APAF1: variants seen among roughly 807,000 people sequenced by gnomAD.
APAF1 encodes the protein apoptotic peptidase activating factor 1.
In APAF1, 91 loss-of-function variants were observed where a neutral mutation model predicts 152.4. That is an observed-to-expected ratio of 0.60 (90% CI 0.50 to 0.71). APAF1 has a LOEUF of 0.71. Ranked by LOEUF, APAF1 falls within the 30% of genes least tolerant of loss-of-function variation. The pLI is 0.00. For missense variants in APAF1, 1,283 were observed against 1,472.0 expected (o/e 0.87, Z 2.10); for synonymous variants, 484 against 494.1 (o/e 0.98, Z 0.27).
intron 20 of APAF1, among the ~76,000 whole-genome samples, chr12:98,710,414 A>C (rs1593098389): frequency 6.6e-6 from 1 of 152,068 alleles, no homozygotes; most frequent in Non-Finnish European, 1.5e-5. Flanking sequence ...GATAGGGAGC[A>C]TGAATGTGTG....
chr12:98,727,050 G>T (rs2097751592), intron 25 of APAF1, 123 bp from the exon 26 acceptor site: 1 of 857,950 alleles, frequency 1.2e-6, no homozygotes, highest in Non-Finnish European at 1.9e-6. Context: ...CTGTGTTAGG[G>T]TTGTTTATAA....
chr12:98,662,649 C>CTT (rs1254309158), intron 6 of APAF1, 26 bp from the exon 7 acceptor site: 1 of 1,612,136 alleles, frequency 6.2e-7, no homozygotes, highest in East Asian at 2.2e-5. Flanking sequence ...AAATTACTTA[C>CTT]TTTGTCTTGT....
chr12:98,697,016 C>T (rs2097710703), intron 16 of APAF1, among the ~76,000 whole-genome samples: 1 of 152,206 alleles, frequency 6.6e-6, no homozygotes, highest in Non-Finnish European at 1.5e-5. Flanking sequence ...GATAAGGACT[C>T]TGTTGGGGAA....
chr12:98,668,410 A>G (rs962582766), intron 10 of APAF1, among the ~76,000 whole-genome samples: 1 of 152,220 alleles, frequency 6.6e-6, no homozygotes, highest in African/African-American at 2.4e-5. Flanking sequence ...ATAAATATTT[A>G]TTGAGTGCTT....
chr12:98,681,501 CTT>C (rs2097692197), intron 14 of APAF1, among the ~76,000 whole-genome samples: 1 of 152,166 alleles, frequency 6.6e-6, no homozygotes, highest in Admixed American at 6.5e-5. Flanking sequence ...ACAGACCTTA[CTT>C]TAACCCTTTT....
intron 22 of APAF1, among the ~76,000 whole-genome samples, chr12:98,721,821 T>A (rs2097743341): frequency 6.6e-6 from 1 of 152,134 alleles, no homozygotes; most frequent in South Asian, 2.1e-4. Flanking sequence ...AAAAGGGGAA[T>A]AAGAGATGTC....
chr12:98,703,344 C>T (rs559628432), intron 17 of APAF1, 27 bp from the exon 18 acceptor site: 2 of 1,612,862 alleles, frequency 1.2e-6, no homozygotes, highest in Non-Finnish European at 1.7e-6. Context: ...ATTTTACCTT[C>T]ATAGGTATCT....
At chr12:98,719,522 T>A (rs2097739337) in intron 22 of APAF1, among the ~76,000 whole-genome samples, 1 of 151,678 alleles carries the variant, frequency 6.6e-6, no homozygotes, top group Non-Finnish European at 1.5e-5. Context: ...GCTAATTTTT[T>A]TTTTTTTTTT....
chr12:98,652,884 CAAAGTGCTGGTATT>C (rs2097650730), intron 4 of APAF1, among the ~76,000 whole-genome samples: 1 of 152,206 alleles, frequency 6.6e-6, no homozygotes, highest in South Asian at 2.1e-4. Flanking sequence ...CCTCGCCTCC[CAAAGTGCTGGTATT>C]ACAGGCGTGA....
intron 15 of APAF1, among the ~76,000 whole-genome samples, chr12:98,683,941 A>G (rs2097695139): frequency 6.6e-6 from 1 of 152,192 alleles, no homozygotes; most frequent in South Asian, 2.1e-4. Flanking sequence ...GTAATGTTTG[A>G]TTGTATCTTT....
chr12:98,705,550 A>G (rs2097720483), intron 18 of APAF1, among the ~76,000 whole-genome samples: 1 of 152,258 alleles, frequency 6.6e-6, no homozygotes, highest in African/African-American at 2.4e-5. Flanking sequence ...TGTCCATGCT[A>G]GTTCTGAAAT....
intron 18 of APAF1, among the ~76,000 whole-genome samples, chr12:98,705,449 T>C (rs536279872): frequency 7.2e-5 from 11 of 152,318 alleles, no homozygotes; most frequent in African/African-American, 2.2e-4. Context: ...CTCTTAGAGA[T>C]AAGGCGGAGA....
At chr12:98,655,389 C>G in intron 4 of APAF1, among the ~76,000 whole-genome samples, 2 of 151,312 alleles carry the variant, frequency 1.3e-5, no homozygotes, top group Non-Finnish European at 1.5e-5. Context: ...GGGCTCCTCA[C>G]TTCCCAGTAG....
chr12:98,648,602 A>G (rs769841126), intron 2 of APAF1, 24 bp from the exon 3 acceptor site: 2 of 1,612,146 alleles, frequency 1.2e-6, no homozygotes, highest in African/African-American at 1.3e-5. Flanking sequence ...ATTGTTGTAT[A>G]CTAAACTACT....
At chr12:98,669,303 T>A (rs895024622) in intron 10 of APAF1, among the ~76,000 whole-genome samples, 1 of 152,236 alleles carries the variant, frequency 6.6e-6, no homozygotes, top group Non-Finnish European at 1.5e-5. Context: ...GCTTTTGACA[T>A]GTATGATAGT....
intron 24 of APAF1, 105 bp from the exon 25 acceptor site, chr12:98,725,310 A>C (rs1312096577): frequency 2.1e-6 from 3 of 1,430,570 alleles, no homozygotes; most frequent in Non-Finnish European, 2.9e-6. Flanking sequence ...GAATTGCCAG[A>C]TATTAGAATG....
intron 12 of APAF1, among the ~76,000 whole-genome samples, chr12:98,672,187 CAG>C (rs1390596317): frequency 6.7e-6 from 1 of 148,830 alleles, no homozygotes; most frequent in Non-Finnish European, 1.5e-5. Context: ...ATTTTTGAGA[CAG>C]AGTCTCACTA....
intron 5 of APAF1, among the ~76,000 whole-genome samples, chr12:98,661,694 C>T (rs1043108126): frequency 3.8e-4 from 58 of 151,916 alleles, no homozygotes; most frequent in African/African-American, 1.4e-3. Flanking sequence ...GTCTCAAACT[C>T]CCGACCTCAG....
At chr12:98,683,570 C>G (rs939669879) in intron 15 of APAF1, among the ~76,000 whole-genome samples, 10 of 152,204 alleles carry the variant, frequency 6.6e-5, no homozygotes, top group Non-Finnish European at 1.5e-4. Flanking sequence ...TGTGTTGGTT[C>G]AGGCATGCTC....
Sources: allele counts gnomAD v4.1 joint callset (sites outside exome capture counted in the v4.1 genomes callset), GRCh38; gene constraint gnomAD v4.1.1; transcripts MANE v1.5; gene names NCBI Gene and HGNC (gene_info 2026-07-23, HGNC 2026-07-21).